The following MTCL1 variants were observed in gnomAD, a reference collection of about 807,000 sequenced individuals.
MTCL1 encodes the protein microtubule crosslinking factor 1.
Under a neutral mutation model 141.4 loss-of-function variants are expected in MTCL1, and 79 were observed. That is an observed-to-expected ratio of 0.56 (90% CI 0.47 to 0.67). The LOEUF (loss-of-function observed/expected upper bound fraction) is 0.67. Among genes scored for constraint, MTCL1 ranks in the 30% least tolerant of loss-of-function variants. MTCL1 has a pLI of 0.00. For missense variants in MTCL1, 2,177 were observed against 2,113.9 expected (o/e 1.03, Z -0.59); for synonymous variants, 914 against 875.8 (o/e 1.04, Z -0.77).
chr18:8,706,674 G>A (rs2096059522), exon 1 of MTCL1: 8 of 1,546,444 alleles, frequency 5.2e-6, no homozygotes, highest in Non-Finnish European at 7.0e-6. Context: ...AGCTGCTGCG[G>A]GAGATGGAGG....
chr18:8,717,773 T>C (rs2096139037), intron 1 of MTCL1: 1 of 409,448 alleles, frequency 2.4e-6, no homozygotes, highest in South Asian at 1.0e-4. Flanking sequence ...ACTCCTTGGG[T>C]TCCCCTGTAT....
intron 4 of MTCL1, among the ~76,000 whole-genome samples, chr18:8,735,835 A>G (rs890812964): frequency 2.6e-5 from 4 of 152,156 alleles, no homozygotes; most frequent in African/African-American, 9.7e-5. Context: ...CGGTCATACA[A>G]CTTGTGAATG....
chr18:8,770,135 C>T (rs141069199), intron 4 of MTCL1, among the ~76,000 whole-genome samples: 112 of 152,332 alleles, frequency 7.4e-4, no homozygotes, highest in Middle Eastern at 6.8e-3. Flanking sequence ...GGTCTGAGGG[C>T]TGTGACCTTG....
In MTCL1 at chr18:8,830,763, T is replaced by C. The variant is rs2077169753; in HGVS notation, c.*19-844T>C. 1 of 985,334 alleles carries C rather than the reference T, an allele frequency of 1.0e-6. No homozygotes were observed. Among genetic ancestry groups the C allele is most frequent in the African/African-American group, 1.7e-5 (1 of 57,240 alleles). The allele number at this position is 985,334 out of a possible 1,614,324, so 61.0% of individuals were successfully genotyped here. A position where few individuals can be genotyped will look rare whatever the true frequency, so the allele number is the denominator to read the frequency against. On this transcript the variant is annotated intron_variant, in intron 16 of 16. Coordinates refer to ENST00000359865, the Ensembl canonical transcript of MTCL1. The surrounding 1 kb of genome is among the most constrained non-coding windows in gnomAD (Gnocchi z 6.4). ...TTCTCATGCCACAGCTTTTTACATT[T>C]CTGTGTATCAGCAAATTCCAAATTT...
At chr18:8,769,666 C>G (rs1358697462) in intron 4 of MTCL1, among the ~76,000 whole-genome samples, 2 of 152,134 alleles carry the variant, frequency 1.3e-5, no homozygotes, top group East Asian at 3.9e-4. Flanking sequence ...GCCTGGTGAC[C>G]CTGACCTTCC....
intron 1 of MTCL1, among the ~76,000 whole-genome samples, chr18:8,707,803 A>T (rs1302577887): frequency 6.6e-6 from 1 of 152,148 alleles, no homozygotes; most frequent in South Asian, 2.1e-4. Flanking sequence ...AGTGAGATTG[A>T]GGATTGGGCT....
chr18:8,796,556 T>C, intron 9 of MTCL1, 94 bp downstream of exon 8: 2 of 1,206,492 alleles, frequency 1.7e-6, no homozygotes, highest in Non-Finnish European at 2.3e-6. Flanking sequence ...ACAGTCATGT[T>C]CTATTATTTT....
chr18:8,746,593 A>T (rs58743247), intron 4 of MTCL1, among the ~76,000 whole-genome samples: 13,320 of 152,192 alleles, frequency 0.088, 1,135 homozygotes, highest in African/African-American at 0.21. Context: ...AAAATAAGAT[A>T]GAGGATACCT....
chr18:8,713,664 T>TA (rs2096108154), upstream of MTCL1, among the ~76,000 whole-genome samples: 2 of 152,258 alleles, frequency 1.3e-5, no homozygotes, highest in Non-Finnish European at 2.9e-5. Context: ...ACCTGAAAAT[T>TA]ACTTTTTTCT....
At chr18:8,814,636 G>A (rs757170581) in intron 12 of MTCL1, among the ~76,000 whole-genome samples, 5 of 152,088 alleles carry the variant, frequency 3.3e-5, no homozygotes, top group South Asian at 2.1e-4. Context: ...TTAGTTGACC[G>A]GTGTCACAGT....
At chr18:8,758,700 C>T (rs761507554) in intron 4 of MTCL1, among the ~76,000 whole-genome samples, 5 of 152,156 alleles carry the variant, frequency 3.3e-5, no homozygotes, top group Non-Finnish European at 5.9e-5. Context: ...CATATTTGGG[C>T]GCTTTCTCAT....
At chr18:8,815,021 G>C (rs1320920806) in intron 12 of MTCL1, among the ~76,000 whole-genome samples, 1 of 152,136 alleles carries the variant, frequency 6.6e-6, no homozygotes, top group East Asian at 1.9e-4. Flanking sequence ...TACACTGTTG[G>C]TGGGACTGTA....
chr18:8,820,442 T>C (rs983962744), intron 13 of MTCL1, among the ~76,000 whole-genome samples: 8 of 152,146 alleles, frequency 5.3e-5, no homozygotes, highest in African/African-American at 1.4e-4. Flanking sequence ...ACTCATTACC[T>C]GTGAAGCAGT....
chr18:8,710,458 T>C (rs952755150), intron 1 of MTCL1, among the ~76,000 whole-genome samples: 49 of 36,398 alleles, frequency 1.3e-3, no homozygotes, highest in African/African-American at 8.8e-3. Flanking sequence ...AGGCACTTTC[T>C]TTTTTTTTTT....
chr18:8,732,978 G>A lies in MTCL1; in HGVS notation c.357+12482G>A, dbSNP rs141488726. On this transcript the variant is annotated intron_variant, in intron 4 of 16. Transcript: ENST00000359865. ...GTAGACACTGTTCATCTTTGGGTGC[G>A]GATGTGCTCTGGTTGCCCAGGCAAA... 2.6e-5 allele frequency among the ~76,000 whole-genome samples: 4 copies of A among 152,366 alleles called. No homozygotes were observed. In the East Asian group the frequency reaches 5.8e-4, roughly 22 times the overall value.
rs112294692 is a variant in MTCL1 at position 8,786,380 on chromosome 18, T to C, written c.1887+289T>C. 7.6e-3 allele frequency: 4,824 copies of C among 633,092 alleles called. 179 individuals are homozygous for C. The African/African-American group carries it at 0.078, about 10-fold the overall frequency. The allele number at this position is 633,092 out of a possible 1,614,324, so 39.2% of individuals were successfully genotyped here. On this transcript the variant is annotated intron_variant, in intron 7 of 16. Coordinates refer to ENST00000359865, the Ensembl canonical transcript of MTCL1. The stretch of plus-strand genomic sequence containing the variant: ...CGGGAGCACCTGGAAGTAGGCTGAT[T>C]GGTGAGTGCGCAGTGGCTTCTTGTC...
intron 4 of MTCL1, among the ~76,000 whole-genome samples, chr18:8,773,856 CTATT>C (rs2096494512): frequency 6.6e-6 from 1 of 152,142 alleles, no homozygotes; most frequent in African/African-American, 2.4e-5. Flanking sequence ...TCTGAGCCTT[CTATT>C]TAGTTTCATT....
At chr18:8,757,067 G>C (rs1245391223) in intron 4 of MTCL1, among the ~76,000 whole-genome samples, 1 of 152,198 alleles carries the variant, frequency 6.6e-6, no homozygotes, top group Non-Finnish European at 1.5e-5. Flanking sequence ...CCAGACACAA[G>C]GAAGATGTTG....
chr18:8,765,153 T>A (rs1018057676), intron 4 of MTCL1, among the ~76,000 whole-genome samples: 7 of 152,230 alleles, frequency 4.6e-5, no homozygotes, highest in Non-Finnish European at 8.8e-5. Context: ...TCCAAGTGGC[T>A]CCTTCTCTGA....
Sources: gnomAD v4.1 joint callset for allele counts (sites outside exome capture counted in the v4.1 genomes callset) on GRCh38, gnomAD v4.1.1 for gene constraint, Gnocchi (gnomAD v3.1) non-coding constraint, MANE v1.5 for transcripts, NCBI Gene and HGNC (gene_info 2026-07-23, HGNC 2026-07-21) for gene names.